MAGI2: variants seen among roughly 807,000 people sequenced by gnomAD.
The protein encoded by MAGI2 is membrane associated guanylate kinase, WW and PDZ domain containing 2, also known as membrane-associated guanylate kinase, WW and PDZ domain-containing protein 2.
In MAGI2, 35 loss-of-function variants were observed where a neutral mutation model predicts 133.3. That is an observed-to-expected ratio of 0.26 (90% confidence interval 0.20 to 0.35). MAGI2 has a LOEUF of 0.35. Ranked by LOEUF, MAGI2 falls within the 10% of genes least tolerant of loss-of-function variation. The pLI, the probability that MAGI2 is intolerant of heterozygous loss-of-function variation, is 1.00. For missense variants in MAGI2, 1,636 were observed against 1,863.4 expected (o/e 0.88, Z 2.25); for synonymous variants, 729 against 710.6 (o/e 1.03, Z -0.41).
At chr7:79,032,595 T>G (rs1810710641) in intron 1 of MAGI2, among the ~76,000 whole-genome samples, 1 of 152,064 alleles carries the variant, frequency 6.6e-6, no homozygotes, top group Non-Finnish European at 1.5e-5. Context: ...TTAGATTTAT[T>G]TTTTAACCAT....
At chr7:79,369,902 C>T (rs1008147074) in intron 1 of MAGI2, among the ~76,000 whole-genome samples, 6 of 152,020 alleles carry the variant, frequency 3.9e-5, no homozygotes, top group Non-Finnish European at 1.5e-5. Flanking sequence ...TTCCCCTCTC[C>T]CAATTCCAAG....
At chr7:79,244,269 GA>G (rs1264283139) in intron 1 of MAGI2, among the ~76,000 whole-genome samples, 1 of 152,194 alleles carries the variant, frequency 6.6e-6, no homozygotes, top group African/African-American at 2.4e-5. Context: ...TATCCACACA[GA>G]AAAGTGCCTT....
chr7:78,256,267 C>T lies in MAGI2; in HGVS notation c.1723G>A (p.Asp575Asn). The part of the protein sequence containing the change: ...PPHSLHSMPT[D>N]GQLDGTYPPP... ...GGATACGTGCCGTCTAGCTGACCAT[C>T]AGTTGGCATGGAGTGCAGAGAATGA... Residue 575 changes from aspartate to asparagine, a missense_variant, in exon 10 of 22, where the codon GAT (aspartate) becomes AAT (asparagine). Transcript: ENST00000354212. 1 of 1,614,058 alleles carries T rather than the reference C, an allele frequency of 6.2e-7. No homozygotes were observed. Among genetic ancestry groups the T allele is most frequent in the Non-Finnish European group, 8.5e-7 (1 of 1,179,984 alleles).
intron 2 of MAGI2, among the ~76,000 whole-genome samples, chr7:78,832,350 A>G (rs1207470375): frequency 6.6e-6 from 1 of 152,102 alleles, no homozygotes; most frequent in African/African-American, 2.4e-5. Context: ...TGCAGTTTTT[A>G]AAGTAGGGTT....
chr7:79,452,889 G>T (rs1586041678), intron 1 of MAGI2, 131 bp downstream of exon 1: 1 of 951,628 alleles, frequency 1.1e-6, no homozygotes, highest in East Asian at 2.7e-5. Flanking sequence ...CTTGCACTGC[G>T]GGTGCTCTCT....
chr7:79,055,013 G>A (rs901043702), intron 1 of MAGI2, among the ~76,000 whole-genome samples: 1 of 152,050 alleles, frequency 6.6e-6, no homozygotes, highest in African/African-American at 2.4e-5. Context: ...GGCTGATCTC[G>A]AACTCCTGAC....
intron 6 of MAGI2, chr7:78,487,078 G>T (rs139165786): frequency 2.4e-6 from 1 of 419,352 alleles, no homozygotes; most frequent in Admixed American, 2.6e-5. Flanking sequence ...GATAGGCTAC[G>T]GTCCTGTTCT....
chr7:79,159,590 A>G (rs1318245453), intron 1 of MAGI2, among the ~76,000 whole-genome samples: 2 of 151,966 alleles, frequency 1.3e-5, no homozygotes, highest in Middle Eastern at 3.2e-3. Flanking sequence ...TATTAAAAAT[A>G]CACACTAATA....
chr7:78,451,764 T>C (rs1788749726), intron 6 of MAGI2, among the ~76,000 whole-genome samples: 1 of 152,130 alleles, frequency 6.6e-6, no homozygotes, highest in Non-Finnish European at 1.5e-5. Flanking sequence ...GCAACACTGA[T>C]GGATGGTAAA....
intron 2 of MAGI2, chr7:78,940,549 A>C (rs575756191): frequency 6.6e-6 from 1 of 152,316 alleles, no homozygotes; most frequent in East Asian, 1.9e-4. Flanking sequence ...TGGTTAATCA[A>C]AAAGGAATCA....
chr7:79,065,977 T>C (rs573779250), intron 1 of MAGI2, among the ~76,000 whole-genome samples: 53 of 152,332 alleles, frequency 3.5e-4, no homozygotes, highest in Non-Finnish European at 4.4e-4. Context: ...GCATTTGAGT[T>C]GGTTCCAAGT....
intron 2 of MAGI2, among the ~76,000 whole-genome samples, chr7:78,690,026 C>A (rs182554662): frequency 6.6e-6 from 1 of 152,202 alleles, no homozygotes; most frequent in Admixed American, 6.5e-5. Context: ...GGTATGAAAT[C>A]ATGTTTTGCA....
intron 1 of MAGI2, among the ~76,000 whole-genome samples, chr7:79,452,125 C>T (rs370846312): frequency 2.6e-5 from 4 of 152,116 alleles, no homozygotes; most frequent in African/African-American, 7.2e-5. Context: ...TCCCCCAAAA[C>T]ACGCCCCCCA....
intron 3 of MAGI2, among the ~76,000 whole-genome samples, chr7:78,536,170 T>C (rs373919945): frequency 6.6e-5 from 8 of 121,158 alleles, no homozygotes; most frequent in South Asian, 3.1e-4. Context: ...TGGAGTGCAG[T>C]GGCGGGATCT....
At chr7:78,262,243 T>C (rs576889591) in intron 9 of MAGI2, among the ~76,000 whole-genome samples, 3 of 152,286 alleles carry the variant, frequency 2.0e-5, no homozygotes, top group East Asian at 3.9e-4. Context: ...TACTTAGGCA[T>C]GAAAGGTGTA....
intron 1 of MAGI2, among the ~76,000 whole-genome samples, chr7:79,169,611 G>A (rs1825317869): frequency 6.6e-6 from 1 of 152,000 alleles, no homozygotes; most frequent in Non-Finnish European, 1.5e-5. Context: ...GCCTTGCTGA[G>A]GTATCTCTAA....
At chr7:78,663,163 C>T (rs1430329437) in intron 2 of MAGI2, among the ~76,000 whole-genome samples, 1 of 149,302 alleles carries the variant, frequency 6.7e-6, no homozygotes, top group Non-Finnish European at 1.5e-5. Context: ...GTTACCTCTT[C>T]TACCTTCAGT....
At chr7:79,153,132 C>A (rs1345128433) in intron 1 of MAGI2, among the ~76,000 whole-genome samples, 1 of 152,064 alleles carries the variant, frequency 6.6e-6, no homozygotes, top group Non-Finnish European at 1.5e-5. Flanking sequence ...GTGAAAGGGA[C>A]ATCAATAAAC....
intron 1 of MAGI2, among the ~76,000 whole-genome samples, chr7:79,293,697 C>T (rs1001658454): frequency 7.9e-5 from 12 of 152,304 alleles, no homozygotes; most frequent in Middle Eastern, 3.4e-3. Context: ...GTAACTTAGC[C>T]AAAATCACTG....
Sources: allele counts gnomAD v4.1 joint callset (sites outside exome capture counted in the v4.1 genomes callset), GRCh38; gene constraint gnomAD v4.1.1; transcripts MANE v1.5; gene names NCBI Gene and HGNC (gene_info 2026-07-23, HGNC 2026-07-21).